The following NEBL variants were observed in gnomAD, a reference collection of about 807,000 sequenced individuals.
The protein encoded by NEBL is nebulette.
A neutral mutation model predicts 140.2 loss-of-function variants in NEBL; 122 were observed. The ratio of observed to expected loss-of-function variants is 0.87; its 90% CI spans 0.75 to 1.01. The LOEUF is 1.01. NEBL is among the 50% of genes least tolerant of loss of function. NEBL has a pLI of 0.00. For missense variants in NEBL, 1,365 were observed against 1,231.3 expected, an observed-to-expected ratio of 1.11 and a Z score of -1.62; for synonymous variants, 436 against 398.9, an observed-to-expected ratio of 1.09 and a Z score of -1.11.
At chr10:21,115,438 C>T (rs1838237762) in intron 2 of NEBL, among the ~76,000 whole-genome samples, 1 of 151,982 alleles carries the variant, frequency 6.6e-6, no homozygotes, top group Non-Finnish European at 1.5e-5. Flanking sequence ...TGATGGTCAG[C>T]TGGTGACAAA....
intron 2 of NEBL, chr10:21,028,978 T>C (rs1011696827): frequency 8.8e-5 from 50 of 568,668 alleles, no homozygotes; most frequent in Middle Eastern, 4.8e-4. Flanking sequence ...AAAATGAAAG[T>C]GTTGCTTTCC....
At chr10:20,858,177 G>T in intron 9 of NEBL, 63 bp downstream of exon 9, 1 of 1,282,352 alleles carries the variant, frequency 7.8e-7, no homozygotes, top group Non-Finnish European at 1.1e-6. Context: ...CATGAACGCT[G>T]CAGACATATT....
At chr10:21,011,088 T>C (rs892080709) in intron 3 of NEBL, among the ~76,000 whole-genome samples, 6 of 152,190 alleles carry the variant, frequency 3.9e-5, no homozygotes, top group African/African-American at 1.4e-4. Flanking sequence ...TGAGACATTA[T>C]TGCAGAACAT....
intron 3 of NEBL, among the ~76,000 whole-genome samples, chr10:21,243,428 T>A (rs1842468390): frequency 6.6e-6 from 1 of 150,948 alleles, no homozygotes; most frequent in South Asian, 2.1e-4. Context: ...TGCCTCAGCC[T>A]CTGAAGTAGC....
chr10:20,935,625 G>A (rs1834441277), intron 4 of NEBL, among the ~76,000 whole-genome samples: 1 of 152,122 alleles, frequency 6.6e-6, no homozygotes, highest in East Asian at 1.9e-4. Flanking sequence ...TTAAAACACT[G>A]TTACCTCTTT....
chr10:20,828,492 T>G (rs1163660391), intron 17 of NEBL, 38 bp downstream of exon 17: 1 of 1,379,356 alleles, frequency 7.2e-7, no homozygotes, highest in South Asian at 1.2e-5. Flanking sequence ...AAAACAAAAT[T>G]TCAAGGTGGC....
At chr10:20,947,554 C>G (rs1835229782) in intron 4 of NEBL, among the ~76,000 whole-genome samples, 1 of 152,144 alleles carries the variant, frequency 6.6e-6, no homozygotes, top group African/African-American at 2.4e-5. Context: ...TTGTAACAGT[C>G]ACAGTAATAA....
At chr10:21,126,517 G>A (rs1225695714) in intron 2 of NEBL, among the ~76,000 whole-genome samples, 2 of 152,120 alleles carry the variant, frequency 1.3e-5, no homozygotes, top group African/African-American at 2.4e-5. Context: ...AGATTTAGTC[G>A]TAGAATATTA....
intron 2 of NEBL, among the ~76,000 whole-genome samples, chr10:21,136,322 C>T (rs1839353744): frequency 6.6e-6 from 1 of 152,146 alleles, no homozygotes; most frequent in Non-Finnish European, 1.5e-5. Flanking sequence ...GACTGCTCTC[C>T]TTCCTACTTT....
intron 26 of NEBL, among the ~76,000 whole-genome samples, chr10:20,790,562 C>G (rs933209093): frequency 2.7e-5 from 4 of 150,662 alleles, no homozygotes; most frequent in Admixed American, 2.6e-4. Flanking sequence ...GATCATGCCA[C>G]TGCACTCCAG....
intron 3 of NEBL, among the ~76,000 whole-genome samples, chr10:21,007,825 GA>G (rs1391208320): frequency 2.0e-5 from 3 of 152,094 alleles, no homozygotes; most frequent in Non-Finnish European, 2.9e-5. Context: ...GTAATATTTT[GA>G]AAAAGATCTC....
Position 20,850,508 on chromosome 10 carries a change from T to C in NEBL, c.1009-6A>G, listed in dbSNP as rs751146790. ...TATTCTTCTTTATATTTCACCTTCA[T>C]TGGAAAAAGAAAAGCATATACAAAT... On this transcript the variant is annotated splice_polypyrimidine_tract_variant and splice_region_variant and intron_variant, in intron 10 of 27. Transcript: ENST00000377122. 4.5e-6 allele frequency: 7 copies of C among 1,559,672 alleles called. No individual in the cohort carries two copies. Among genetic ancestry groups the C allele is most frequent in the South Asian group, 1.1e-5 (1 of 89,968 alleles).
intron 5 of NEBL, among the ~76,000 whole-genome samples, chr10:20,876,380 TA>T (rs1387290885): frequency 1.3e-5 from 2 of 152,182 alleles, no homozygotes; most frequent in African/African-American, 2.4e-5. Context: ...TAGAGATGAA[TA>T]AAACACTAAT....
At chr10:21,291,229 G>C (rs550870874) in intron 1 of NEBL, among the ~76,000 whole-genome samples, 12 of 152,284 alleles carry the variant, frequency 7.9e-5, no homozygotes, top group Admixed American at 2.6e-4. Context: ...AGAGAGGCCA[G>C]GCGCAGTGGC....
intron 2 of NEBL, among the ~76,000 whole-genome samples, chr10:21,145,662 G>A (rs1048528273): frequency 6.6e-6 from 1 of 152,156 alleles, no homozygotes; most frequent in Non-Finnish European, 1.5e-5. Flanking sequence ...AAAATCCAAG[G>A]AGGTTATGAC....
chr10:20,939,229 T>G, intron 4 of NEBL, among the ~76,000 whole-genome samples: 1 of 152,182 alleles, frequency 6.6e-6, no homozygotes, highest in East Asian at 1.9e-4. Context: ...GACTAACAGC[T>G]GATCTCTCAG....
intron 2 of NEBL, among the ~76,000 whole-genome samples, chr10:21,117,070 G>A (rs1229973973): frequency 6.6e-6 from 1 of 151,908 alleles, no homozygotes; most frequent in Non-Finnish European, 1.5e-5. Context: ...GCTTGAGCTG[G>A]GTGCAATAAA....
At chr10:21,249,251 A>G (rs1842557084) in intron 2 of NEBL, among the ~76,000 whole-genome samples, 1 of 152,138 alleles carries the variant, frequency 6.6e-6, no homozygotes. Flanking sequence ...AGTTATTTAT[A>G]TATTCTGGAT....
At chr10:21,106,370 T>C (rs922093181) in intron 2 of NEBL, among the ~76,000 whole-genome samples, 1 of 152,118 alleles carries the variant, frequency 6.6e-6, no homozygotes, top group Admixed American at 6.6e-5. Flanking sequence ...GTATATGGTG[T>C]AAGGAAGGGA....
Sources: allele counts gnomAD v4.1 joint callset (sites outside exome capture counted in the v4.1 genomes callset), GRCh38; gene constraint gnomAD v4.1.1; transcripts MANE v1.5; gene names NCBI Gene and HGNC (gene_info 2026-07-23, HGNC 2026-07-21).